The following ERBB4 variants were observed in gnomAD, a reference collection of about 807,000 sequenced individuals.
ERBB4 encodes erb-b2 receptor tyrosine kinase 4.
Under a neutral mutation model 158.0 loss-of-function variants are expected in ERBB4, and 42 were observed. That is an observed-to-expected ratio of 0.27 (90% CI 0.21 to 0.34). The LOEUF is 0.34. ERBB4 is among the 10% of genes least tolerant of loss of function. The probability of loss-of-function intolerance (pLI) is 1.00; values close to 1 mark genes in which losing one functional copy is unlikely to be tolerated. For synonymous variants in ERBB4, 583 were observed against 558.7 expected (o/e 1.04, Z -0.61); for missense variants, 1,333 against 1,624.1 (o/e 0.82, Z 3.08).
At chr2:211,904,834 G>A (rs1446382287) in intron 3 of ERBB4, among the ~76,000 whole-genome samples, 2 of 151,948 alleles carry the variant, frequency 1.3e-5, no homozygotes, top group Non-Finnish European at 2.9e-5. Flanking sequence ...GGAAAGATGG[G>A]TACTATTTTA....
At chr2:211,576,750 A>G (rs1456833975) in intron 19 of ERBB4, among the ~76,000 whole-genome samples, 1 of 152,140 alleles carries the variant, frequency 6.6e-6, no homozygotes, top group Non-Finnish European at 1.5e-5. Context: ...ATAATTATAA[A>G]TGTATGATAT....
intron 3 of ERBB4, among the ~76,000 whole-genome samples, chr2:211,791,462 A>G (rs145366392): frequency 1.3e-5 from 2 of 152,038 alleles, no homozygotes; most frequent in South Asian, 2.1e-4. Context: ...GGAGGCACAC[A>G]TTTAATTGAT....
chr2:212,024,774 G>A (rs2076735860), intron 2 of ERBB4, among the ~76,000 whole-genome samples: 1 of 151,794 alleles, frequency 6.6e-6, no homozygotes, highest in Non-Finnish European at 1.5e-5. Context: ...AGGGTTGACT[G>A]AGCAGGTGGC....
chr2:212,086,133 G>A (rs1575612049), intron 2 of ERBB4, among the ~76,000 whole-genome samples: 1 of 151,844 alleles, frequency 6.6e-6, no homozygotes, highest in African/African-American at 2.4e-5. Flanking sequence ...CAGAAACTGG[G>A]GGGAAAAGTT....
intron 25 of ERBB4, among the ~76,000 whole-genome samples, chr2:211,402,722 C>T (rs2063070480): frequency 1.3e-5 from 2 of 151,836 alleles, no homozygotes; most frequent in Admixed American, 1.3e-4. Context: ...TATCAGCCTG[C>T]AATAAAGTTT....
At chr2:211,541,669 G>A (rs1397175156) in intron 20 of ERBB4, among the ~76,000 whole-genome samples, 1 of 152,068 alleles carries the variant, frequency 6.6e-6, no homozygotes, top group South Asian at 2.1e-4. Flanking sequence ...GAAGCTTATA[G>A]CTGTTGCAAT....
intron 1 of ERBB4, among the ~76,000 whole-genome samples, chr2:212,171,935 T>G (rs927752361): frequency 3.9e-5 from 6 of 152,092 alleles, no homozygotes; most frequent in Non-Finnish European, 7.4e-5. Context: ...CTAATTAAAC[T>G]AAAGAGCTTC....
At chr2:211,628,740 A>G (rs1184424925) in intron 17 of ERBB4, among the ~76,000 whole-genome samples, 3 of 152,180 alleles carry the variant, frequency 2.0e-5, no homozygotes, top group East Asian at 1.9e-4. Flanking sequence ...CTGAGGAATC[A>G]CCACACTGAC....
chr2:211,892,019 T>G (rs1247261622), intron 3 of ERBB4, among the ~76,000 whole-genome samples: 16 of 128,746 alleles, frequency 1.2e-4, no homozygotes, highest in Non-Finnish European at 2.4e-4. Context: ...ACTATTCCAA[T>G]CAATAGAAAA....
intron 2 of ERBB4, among the ~76,000 whole-genome samples, chr2:212,084,270 A>C (rs1301484814): frequency 6.6e-6 from 1 of 152,018 alleles, no homozygotes; most frequent in African/African-American, 2.4e-5. Flanking sequence ...CTGAAACAAA[A>C]ACGATAAAGG....
chr2:211,595,461 C>T (rs2068602002), intron 19 of ERBB4, among the ~76,000 whole-genome samples: 1 of 151,818 alleles, frequency 6.6e-6, no homozygotes, highest in Non-Finnish European at 1.5e-5. Context: ...CTGAGATATA[C>T]CAGAGGATGA....
At chr2:211,866,776 A>G (rs1384713739) in intron 3 of ERBB4, among the ~76,000 whole-genome samples, 1 of 152,300 alleles carries the variant, frequency 6.6e-6, no homozygotes, top group East Asian at 1.9e-4. Flanking sequence ...AGGTGAATAT[A>G]AATTTTAAAA....
intron 2 of ERBB4, among the ~76,000 whole-genome samples, chr2:211,948,858 A>G (rs902572698): frequency 6.6e-6 from 1 of 151,912 alleles, no homozygotes; most frequent in Non-Finnish European, 1.5e-5. Context: ...ATTTATCTCT[A>G]TACTTTCCCC....
intron 2 of ERBB4, among the ~76,000 whole-genome samples, chr2:212,095,129 T>C (rs1014978727): frequency 1.3e-5 from 2 of 152,176 alleles, no homozygotes; most frequent in Admixed American, 6.5e-5. Context: ...ATTGTAAGAA[T>C]TAGTCTGAGA....
chr2:211,549,130 A>T (rs936862391), intron 20 of ERBB4, among the ~76,000 whole-genome samples: 1 of 152,078 alleles, frequency 6.6e-6, no homozygotes, highest in African/African-American at 2.4e-5. Flanking sequence ...AATAAATAGG[A>T]AAGTTTTCGT....
chr2:211,915,177 A>G (rs2079652870), intron 3 of ERBB4, among the ~76,000 whole-genome samples: 1 of 152,086 alleles, frequency 6.6e-6, no homozygotes, highest in African/African-American at 2.4e-5. Context: ...TTTCTTACAA[A>G]TACTTGAGGT....
intron 1 of ERBB4, among the ~76,000 whole-genome samples, chr2:212,504,325 C>T (rs986891888): frequency 2.0e-5 from 3 of 151,848 alleles, no homozygotes; most frequent in Admixed American, 1.3e-4. Flanking sequence ...ACATTAAGTC[C>T]TTAACTCAAA....
chr2:212,492,750 G>C (rs574558709), intron 1 of ERBB4, among the ~76,000 whole-genome samples: 6 of 151,470 alleles, frequency 4.0e-5, no homozygotes, highest in African/African-American at 1.4e-4. Flanking sequence ...CTCTGAATAA[G>C]CCATTTAATT....
chr2:212,164,829 C>T (rs1163217597), intron 1 of ERBB4, among the ~76,000 whole-genome samples: 1 of 151,722 alleles, frequency 6.6e-6, no homozygotes, highest in South Asian at 2.1e-4. Context: ...TTAATTTTGC[C>T]TTGATCATTT....
Sources: gnomAD v4.1 joint callset for allele counts (sites outside exome capture counted in the v4.1 genomes callset) on GRCh38, gnomAD v4.1.1 for gene constraint, MANE v1.5 for transcripts, NCBI Gene and HGNC (gene_info 2026-07-23, HGNC 2026-07-21) for gene names.